Variants in MXD3 observed in about 807,000 individuals in gnomAD.
The protein encoded by MXD3 is Max-associated protein 3.
Under a neutral mutation model 27.5 loss-of-function variants are expected in MXD3, and 20 were observed. The ratio of observed to expected loss-of-function variants is 0.73; its 90% CI spans 0.51 to 1.06. The LOEUF (loss-of-function observed/expected upper bound fraction) is 1.06, where lower values mean the gene tolerates loss of function less well. Ranked by LOEUF, MXD3 falls within the 50% of genes least tolerant of loss-of-function variation. The pLI is 0.00. For missense variants in MXD3, 298 were observed against 291.3 expected, an observed-to-expected ratio of 1.02 and a Z score of -0.17; for synonymous variants, 150 against 130.7, an observed-to-expected ratio of 1.15 and a Z score of -1.01.
At chr5:177,308,975 G>C (rs1485669224) in intron 4 of MXD3, among the ~76,000 whole-genome samples, 1 of 152,216 alleles carries the variant, frequency 6.6e-6, no homozygotes, top group Non-Finnish European at 1.5e-5. Context: ...TCAACAAGAA[G>C]GGGAGAACTG....
At chr5:177,306,567 G>A (rs776656166), downstream of MXD3, 4 of 1,608,074 alleles carry the variant, frequency 2.5e-6, no homozygotes, top group Non-Finnish European at 3.4e-6. Flanking sequence ...AACAGTTTGT[G>A]TAGCCAGTCT....
rs1761034397 is a variant in MXD3, at chr5:177,311,379, C to T, written c.176G>A (p.Arg59Gln). Residue 59 changes from arginine to glutamine, a missense_variant and splice_region_variant, in exon 2 of 6, where the codon CGG (arginine) becomes CAG (glutamine). By Grantham distance (43) the Arg-to-Gln change is conservative (BLOSUM62 1). Coordinates refer to ENST00000439742, the MANE Select transcript of MXD3 (RefSeq NM_031300.4). ...CTCCCGCCGCCCCCGGCCTCCTCACCGCCCGCTGTCCTGCGCGCCAGGAGC... is the reference window on the plus strand; with the variant it reads ...CTCCCGCCGCCCCCGGCCTCCTCACTGCCCGCTGTCCTGCGCGCCAGGAGC... The part of the protein sequence containing the change: ...PQAPGAQDSG[R>Q]SVHNELEKRR... The T allele has an allele frequency of 1.3e-5, 19 of 1,440,166 alleles. No individual in the cohort carries two copies. The highest frequency in any genetic ancestry group is 1.7e-5 in the Non-Finnish European group (19 of 1,104,668). 89.2% of individuals were successfully genotyped at this position (1,440,166 alleles called of 1,614,324 possible). A position where few individuals can be genotyped will look rare whatever the true frequency, so the allele number is the denominator to read the frequency against.
chr5:177,311,360 C>T lies in MXD3; in HGVS notation c.176+19G>A. The stretch of plus-strand genomic sequence containing the variant: ...GCGCCCACCCCCACCCCCACTCCCG[C>T]CGCCCCCGGCCTCCTCACCGCCCGC... On this transcript the variant is annotated intron_variant, in intron 2 of 5. Coordinates refer to ENST00000439742, the MANE Select transcript of MXD3 (RefSeq NM_031300.4). 2 of 1,429,540 alleles carry T rather than the reference C, an allele frequency of 1.4e-6. No individual in the cohort carries two copies. The highest frequency in any genetic ancestry group is 1.8e-6 in the Non-Finnish European group (2 of 1,096,784). 88.6% of individuals were successfully genotyped at this position (1,429,540 alleles called of 1,614,324 possible).
rs779111998 is a variant in MXD3, at chr5:177,307,722, G to A, written c.506-19C>T. The A allele has an allele frequency of 4.5e-5, 73 of 1,613,688 alleles. No individual in the cohort carries two copies. The highest frequency in any genetic ancestry group is 1.8e-4 in the East Asian group (8 of 44,874). ...AGCTCCTCTGCGCGGGGAGGGGTCC[G>A]GTCAGAAGACCTGGCTCGCCCCGAG... On this transcript the variant is annotated intron_variant, in intron 5 of 5. Coordinates refer to ENST00000439742, the MANE Select transcript of MXD3 (RefSeq NM_031300.4).
Position 177,307,782 on chromosome 5 carries a change from T to G in MXD3, c.504A>C (p.Gln168His). ...ACCCCTCAGCCTCGGGGCACTCACC[T>G]TGGTCTGAGTCTGAGCGCTCAGAGG... ...GLSSERSDSDQEELEVDVESL... is the reference protein window; with the variant it reads ...GLSSERSDSDHEELEVDVESL... Residue 168 changes from glutamine to histidine, a missense_variant and splice_region_variant, in exon 5 of 6, where the codon CAA becomes CAC. Gln to His is a conservative substitution (Grantham distance 24). Transcript: ENST00000439742. 1 of 1,613,144 alleles carries G rather than the reference T, an allele frequency of 6.2e-7. No homozygotes were observed. Among genetic ancestry groups the G allele is most frequent in the Non-Finnish European group, 8.5e-7 (1 of 1,179,780 alleles).
chr5:177,310,058 C>A (rs7732299), intron 4 of MXD3, among the ~76,000 whole-genome samples: 12,626 of 152,126 alleles, frequency 0.083, 1,109 homozygotes, highest in African/African-American at 0.22. Context: ...GTCCCAAGGA[C>A]CCCCACATAC....
At chr5:177,308,617 C>G (rs868683424) in intron 4 of MXD3, among the ~76,000 whole-genome samples, 1 of 152,188 alleles carries the variant, frequency 6.6e-6, no homozygotes, top group Admixed American at 6.5e-5. Flanking sequence ...AGGTAATCCG[C>G]CTGCCTCAGC....
rs745396755 is a variant in MXD3, at chr5:177,307,937, G to A, written c.349C>T (p.Arg117Ter). 1.3e-5 allele frequency: 21 copies of A among 1,576,654 alleles called. No homozygotes were observed. The highest frequency in any genetic ancestry group is 4.6e-5 in the East Asian group (2 of 43,738). ...QKLEDQEQRA[R>*]QLKERLRSKQ... ...CTGCGCAGCCTCTCCTTGAGCTGTC[G>A]GGCCCGCTGCTCCTGATCCTCCAGC... is the stretch of plus-strand genomic sequence containing the variant. Residue 117 changes from arginine (R) to a stop codon, truncating the protein, a stop_gained, in exon 5 of 6, where the codon CGA (arginine) becomes TGA (stop). Coordinates refer to ENST00000439742, the MANE Select transcript of MXD3 (RefSeq NM_031300.4). LOFTEE classifies it high-confidence loss of function.
At chr5:177,310,829 G>T in intron 2 of MXD3, 132 bp from the exon 3 acceptor site, 1 of 1,014,990 alleles carries the variant, frequency 9.9e-7, no homozygotes, top group Non-Finnish European at 1.5e-6. Context: ...AGCTCATGCT[G>T]GCCTCAGACA....
chr5:177,306,848 C>CTAG, downstream of MXD3: 1 of 729,836 alleles, frequency 1.4e-6, no homozygotes, highest in South Asian at 2.0e-5. Flanking sequence ...GCGGTAAGTG[C>CTAG]TAGACTGTAA....
intron 4 of MXD3, chr5:177,308,188 G>C: frequency 3.6e-6 from 2 of 548,014 alleles, no homozygotes; most frequent in Non-Finnish European, 6.5e-6. Context: ...TTGGGGGTGG[G>C]GGGGCACCAC....
At chr5:177,311,695 C>A (rs1220859760) in intron 1 of MXD3, 66 bp downstream of exon 1, 24 of 1,514,486 alleles carry the variant, frequency 1.6e-5, no homozygotes, top group Non-Finnish European at 2.2e-5. Context: ...AGCTGGGAGC[C>A]AGGTCCAGTC....
chr5:177,310,812 T>A, intron 2 of MXD3, 115 bp from the exon 3 acceptor site: 1 of 1,206,678 alleles, frequency 8.3e-7, no homozygotes, highest in Non-Finnish European at 1.2e-6. Flanking sequence ...ACAAGTCCCC[T>A]GTGGAGAGCT....
At chr5:177,306,986 G>A, downstream of MXD3, 1 of 1,365,246 alleles carries the variant, frequency 7.3e-7, no homozygotes, top group Non-Finnish European at 9.8e-7. Flanking sequence ...GCTCTGGTTT[G>A]AATCTTGGCT....
chr5:177,312,414 T>C (rs944965092), upstream of MXD3: 7 of 982,630 alleles, frequency 7.1e-6, no homozygotes, highest in Admixed American at 6.2e-5. Context: ...TGCCCCGCCC[T>C]CTCCCGCCGC....
intron 4 of MXD3, among the ~76,000 whole-genome samples, chr5:177,308,261 G>A (rs1214207225): frequency 2.6e-5 from 4 of 152,258 alleles, no homozygotes; most frequent in African/African-American, 9.6e-5. Context: ...GCGTCCAGGG[G>A]TGGGAACTGG....
At chr5:177,308,442 G>A (rs1338947154) in intron 4 of MXD3, among the ~76,000 whole-genome samples, 1 of 151,456 alleles carries the variant, frequency 6.6e-6, no homozygotes, top group African/African-American at 2.4e-5. Flanking sequence ...GCACAATCTC[G>A]GCTCACCACA....
intron 3 of MXD3, 62 bp from the exon 4 acceptor site, chr5:177,310,602 G>A: frequency 6.2e-7 from 1 of 1,613,262 alleles, no homozygotes; most frequent in Non-Finnish European, 8.5e-7. Flanking sequence ...GGAATGGCAG[G>A]GGAGGGAAGG....
chr5:177,311,273 C>A, intron 2 of MXD3, 106 bp downstream of exon 2: 1 of 673,040 alleles, frequency 1.5e-6, no homozygotes, highest in South Asian at 2.5e-5. Flanking sequence ...CTTCCTGGAG[C>A]GGGACACCTG....
Sources: gnomAD v4.1 joint callset for allele counts (sites outside exome capture counted in the v4.1 genomes callset) on GRCh38, gnomAD v4.1.1 for gene constraint, MANE v1.5 for transcripts, NCBI Gene and HGNC (gene_info 2026-07-23, HGNC 2026-07-21) for gene names.